Variants in IQCJ observed in about 807,000 individuals in gnomAD.
The protein encoded by IQCJ is IQ motif containing J.
Under a neutral mutation model 11.0 loss-of-function variants are expected in IQCJ, and 9 were observed. The ratio of observed to expected loss-of-function variants is 0.82; its 90% CI spans 0.49 to 1.43. IQCJ has a LOEUF of 1.43. Ranked by LOEUF, IQCJ falls within the 40% of genes most tolerant of loss-of-function variation. The probability of loss-of-function intolerance (pLI) is 0.00; values close to 1 mark genes in which losing one functional copy is unlikely to be tolerated. For missense variants in IQCJ, 146 were observed against 133.2 expected, an observed-to-expected ratio of 1.10 and a Z score of -0.47; for synonymous variants, 55 against 51.3, an observed-to-expected ratio of 1.07 and a Z score of -0.31.
At chr3:159,257,796 C>G (rs190355818) in intron 3 of IQCJ, among the ~76,000 whole-genome samples, 75 of 152,320 alleles carry the variant, frequency 4.9e-4, no homozygotes, top group Non-Finnish European at 1.5e-4. Context: ...TCTCCACTCA[C>G]AGTCAGTATA....
At chr3:159,264,036 G>A (rs1181916336), downstream of IQCJ, among the ~76,000 whole-genome samples, 1 of 152,204 alleles carries the variant, frequency 6.6e-6, no homozygotes, top group African/African-American at 2.4e-5. Context: ...AGATGTCTTT[G>A]CTGTAAATGC....
In IQCJ at chr3:159,119,487, T is replaced by A. The variant is rs140346301; in HGVS notation, c.9+50046T>A. On this transcript the variant is annotated intron_variant, in intron 1 of 3. Coordinates refer to ENST00000397832, the MANE Select transcript of IQCJ (RefSeq NM_001042706.3). ...TATTAGGCCCATGCCTTTTTTAAGA[T>A]GAAAAATTATATAAATTTCTTGCTT... Among the ~76,000 whole-genome samples, 25 of 152,310 alleles carry A rather than the reference T, an allele frequency of 1.6e-4. No homozygotes were observed. The East Asian group carries it at 2.9e-3, about 18-fold the overall frequency.
chr3:159,069,827 A>T (rs1407492961), intron 1 of IQCJ: 6 of 459,920 alleles, frequency 1.3e-5, no homozygotes, highest in Admixed American at 2.4e-5. Flanking sequence ...ACACTTATTT[A>T]AAAAGCCCTC....
intron 1 of IQCJ, among the ~76,000 whole-genome samples, chr3:159,224,523 A>G (rs1217275806): frequency 2.0e-5 from 3 of 152,242 alleles, no homozygotes; most frequent in Non-Finnish European, 4.4e-5. Flanking sequence ...ATATAATCAC[A>G]TAATTAACAT....
chr3:159,069,775 G>A (rs866946057), intron 1 of IQCJ: 1 of 509,008 alleles, frequency 2.0e-6, no homozygotes, highest in South Asian at 1.6e-5. Flanking sequence ...GCAAGTAGAG[G>A]AAAAATACAT....
At chr3:159,128,158 T>TGTTTTAA (rs957727834) in intron 1 of IQCJ, among the ~76,000 whole-genome samples, 1 of 152,224 alleles carries the variant, frequency 6.6e-6, no homozygotes, top group Non-Finnish European at 1.5e-5. Flanking sequence ...AAGATGCTTC[T>TGTTTTAA]GTTTTATTAT....
intron 1 of IQCJ, among the ~76,000 whole-genome samples, chr3:159,230,098 T>C (rs1172887554): frequency 6.6e-6 from 1 of 151,752 alleles, no homozygotes; most frequent in South Asian, 2.1e-4. Flanking sequence ...TATGTCCAGG[T>C]ATGCTTAATG....
At chr3:159,256,153 T>G (rs1205044291) in intron 3 of IQCJ, among the ~76,000 whole-genome samples, 1 of 152,242 alleles carries the variant, frequency 6.6e-6, no homozygotes, top group Non-Finnish European at 1.5e-5. Flanking sequence ...GTTCATTAGC[T>G]ATGTGCGATC....
chr3:159,080,489 C>T (rs920342148), intron 1 of IQCJ, among the ~76,000 whole-genome samples: 2 of 152,124 alleles, frequency 1.3e-5, no homozygotes, highest in African/African-American at 4.8e-5. Context: ...CTCTTGATGA[C>T]ACCAGCCCCG....
chr3:159,081,389 G>A (rs1372333237), intron 1 of IQCJ, among the ~76,000 whole-genome samples: 1 of 152,102 alleles, frequency 6.6e-6, no homozygotes, highest in Non-Finnish European at 1.5e-5. Flanking sequence ...CTGAGGTTGG[G>A]GAGGGTGAAT....
At chr3:159,088,813 C>A in intron 1 of IQCJ, among the ~76,000 whole-genome samples, 1 of 152,022 alleles carries the variant, frequency 6.6e-6, no homozygotes, top group Non-Finnish European at 1.5e-5. Context: ...CTATGTGTGT[C>A]TCTGCACGTG....
chr3:159,176,350 C>T (rs917206135), intron 1 of IQCJ, among the ~76,000 whole-genome samples: 1 of 151,120 alleles, frequency 6.6e-6, no homozygotes, highest in African/African-American at 2.4e-5. Flanking sequence ...ATATCTTTTC[C>T]CTTAGAAATT....
At chr3:159,216,094 G>T in intron 1 of IQCJ, among the ~76,000 whole-genome samples, 1 of 108,190 alleles carries the variant, frequency 9.2e-6, no homozygotes, top group Admixed American at 1.2e-4. Flanking sequence ...GTGTGGGGCG[G>T]GGGGTGGGTG....
chr3:159,230,839 C>G (rs1726206930), intron 1 of IQCJ, among the ~76,000 whole-genome samples: 1 of 152,124 alleles, frequency 6.6e-6, no homozygotes. Context: ...CTTCTCCACC[C>G]AGAAATCTCA....
intron 1 of IQCJ, among the ~76,000 whole-genome samples, chr3:159,073,306 G>A (rs1162070847): frequency 2.0e-5 from 3 of 152,090 alleles, no homozygotes; most frequent in Admixed American, 6.6e-5. Flanking sequence ...TGAATAGCAA[G>A]TTCTTTCTTG....
intron 2 of IQCJ, among the ~76,000 whole-genome samples, chr3:159,247,968 G>T (rs1727368524): frequency 1.3e-5 from 2 of 152,152 alleles, no homozygotes; most frequent in Admixed American, 1.3e-4. Flanking sequence ...TAGCTGATAA[G>T]ATACTGGAAG....
chr3:159,087,409 G>T (rs574320114), intron 1 of IQCJ, among the ~76,000 whole-genome samples: 2,194 of 146,516 alleles, frequency 0.015, 73 homozygotes, highest in African/African-American at 0.053. Flanking sequence ...CCTGGCTTTG[G>T]TATCAGGATG....
At chr3:159,138,657 T>C (rs1181286310) in intron 1 of IQCJ, among the ~76,000 whole-genome samples, 3 of 152,234 alleles carry the variant, frequency 2.0e-5, no homozygotes, top group Non-Finnish European at 4.4e-5. Context: ...CTCTGGGCTC[T>C]GTGTGGTGGT....
chr3:159,208,488 T>G (rs759035645), intron 1 of IQCJ, among the ~76,000 whole-genome samples: 1 of 152,244 alleles, frequency 6.6e-6, no homozygotes, highest in Non-Finnish European at 1.5e-5. Context: ...TAAGCCTCTT[T>G]GTTGGCATCT....
Sources: gnomAD v4.1 joint callset for allele counts (sites outside exome capture counted in the v4.1 genomes callset) on GRCh38, gnomAD v4.1.1 for gene constraint, MANE v1.5 for transcripts, NCBI Gene and HGNC (gene_info 2026-07-23, HGNC 2026-07-21) for gene names.